Variants in UBE2K observed in about 807,000 individuals in gnomAD.
The protein encoded by UBE2K is ubiquitin-conjugating enzyme E2 K.
A neutral mutation model predicts 30.0 loss-of-function variants in UBE2K; 6 were observed. The ratio of observed to expected loss-of-function variants is 0.20; its 90% CI spans 0.11 to 0.39. The LOEUF (loss-of-function observed/expected upper bound fraction) is 0.39, where lower values mean the gene tolerates loss of function less well. Ranked by LOEUF, UBE2K falls within the 10% of genes least tolerant of loss-of-function variation. The pLI, the probability that UBE2K is intolerant of heterozygous loss-of-function variation, is 1.00. For synonymous variants in UBE2K, 86 were observed against 83.7 expected (o/e 1.03, Z -0.15); for missense variants, 61 against 241.6 (o/e 0.25, Z 4.96).
intron 1 of UBE2K, among the ~76,000 whole-genome samples, chr4:39,705,307 C>T (rs919244777): frequency 1.3e-5 from 2 of 150,224 alleles, no homozygotes; most frequent in Non-Finnish European, 3.0e-5. Context: ...AAGCGACTCT[C>T]GTGCCTCAGC....
At chr4:39,731,408 G>C (rs139787577) in intron 1 of UBE2K, among the ~76,000 whole-genome samples, 1 of 151,920 alleles carries the variant, frequency 6.6e-6, no homozygotes, top group South Asian at 2.1e-4. Flanking sequence ...CAGAAAACAC[G>C]GTGGCTCACA....
chr4:39,770,275 AGCACTTGCC>A (rs1712695044), intron 4 of UBE2K: 4 of 1,611,400 alleles, frequency 2.5e-6, no homozygotes, highest in Non-Finnish European at 3.4e-6. Flanking sequence ...TTCTGTGTGA[AGCACTTGCC>A]GCAGATGCCG....
chr4:39,769,897 C>T (rs1560378598), intron 4 of UBE2K, among the ~76,000 whole-genome samples: 1 of 152,170 alleles, frequency 6.6e-6, no homozygotes, highest in South Asian at 2.1e-4. Context: ...CTTGCACTCT[C>T]AAGAGCAACA....
At chr4:39,755,522 C>T in intron 3 of UBE2K, 135 bp from the exon 4 acceptor site, 1 of 628,506 alleles carries the variant, frequency 1.6e-6, no homozygotes, top group Admixed American at 3.4e-5. Flanking sequence ...TACACCCCTT[C>T]TTTCACCTAG....
At chr4:39,757,427 T>C (rs1185010963) in intron 4 of UBE2K, among the ~76,000 whole-genome samples, 1 of 151,844 alleles carries the variant, frequency 6.6e-6, no homozygotes, top group African/African-American at 2.4e-5. Context: ...GTGGTTTACT[T>C]AGTAACTGGA....
Position 39,774,712 on chromosome 4 carries a change from T to A in UBE2K, c.300-122T>A, listed in dbSNP as rs534383875. ...TATAAATGTCTATGACTTAACTATA[T>A]AATTAAGATAAAGATCTAAGTAACT... On this transcript the variant is annotated intron_variant, in intron 4 of 6. Coordinates refer to ENST00000261427, the MANE Select transcript of UBE2K (RefSeq NM_005339.5). 1.8e-5 allele frequency: 8 copies of A among 442,938 alleles called. No homozygotes were observed. In the South Asian group the frequency reaches 2.2e-4, roughly 12 times the overall value. The allele number at this position is 442,938 out of a possible 1,614,324, so 27.4% of individuals were successfully genotyped here. A position where few individuals can be genotyped will look rare whatever the true frequency, so the allele number is the denominator to read the frequency against.
chr4:39,718,852 G>A (rs188892229), intron 1 of UBE2K, among the ~76,000 whole-genome samples: 18 of 152,384 alleles, frequency 1.2e-4, no homozygotes, highest in East Asian at 3.9e-4. Flanking sequence ...TGCAAACGCC[G>A]TGCGCAGCCC....
chr4:39,775,379 G>A (rs908262689), intron 5 of UBE2K, among the ~76,000 whole-genome samples: 2 of 152,120 alleles, frequency 1.3e-5, no homozygotes, highest in African/African-American at 2.4e-5. Flanking sequence ...TTTTCATTTC[G>A]CTTTCTAGCT....
rs1713487586 is a variant in UBE2K, at chr4:39,779,516, G to A, written c.*1082G>A. 6.6e-6 allele frequency: 1 copy of A among 152,594 alleles called. No homozygotes were observed. The highest frequency in any genetic ancestry group is 1.5e-5 in the Non-Finnish European group (1 of 68,042). 9.5% of individuals were successfully genotyped at this position (152,594 alleles called of 1,614,324 possible). On this transcript the variant is annotated 3_prime_UTR_variant, in exon 7 of 7. Coordinates refer to ENST00000261427, the MANE Select transcript of UBE2K (RefSeq NM_005339.5). ...GTGTTTTATTGTACATACTTCAGATGCACATAGGAATAGAAGTGTGTTATA... is the reference window on the plus strand; with the variant it reads ...GTGTTTTATTGTACATACTTCAGATACACATAGGAATAGAAGTGTGTTATA...
intron 1 of UBE2K, among the ~76,000 whole-genome samples, chr4:39,717,876 C>T (rs1291629286): frequency 1.4e-5 from 2 of 146,700 alleles, no homozygotes; most frequent in Non-Finnish European, 2.9e-5. Context: ...TGTTACAGCT[C>T]TTAAGGCGGC....
intron 4 of UBE2K, among the ~76,000 whole-genome samples, chr4:39,765,938 T>TACATACATAC (rs1258930076): frequency 1.5e-4 from 22 of 149,498 alleles, no homozygotes; most frequent in African/African-American, 4.7e-4. Flanking sequence ...CATACATACA[T>TACATACATAC]ACACACACAC....
intron 1 of UBE2K, among the ~76,000 whole-genome samples, chr4:39,711,146 T>C (rs1252522088): frequency 1.3e-5 from 2 of 150,838 alleles, no homozygotes; most frequent in Non-Finnish European, 3.0e-5. Context: ...AATGTATGTC[T>C]CTTGGAAACT....
intron 1 of UBE2K, among the ~76,000 whole-genome samples, chr4:39,726,361 A>G (rs556039966): frequency 6.6e-6 from 1 of 152,190 alleles, no homozygotes; most frequent in South Asian, 2.1e-4. Context: ...AAATAGCATA[A>G]TAGATATCAT....
At chr4:39,750,208 CAAAA>C (rs572271899) in intron 3 of UBE2K, among the ~76,000 whole-genome samples, 1 of 151,358 alleles carries the variant, frequency 6.6e-6, no homozygotes, top group Non-Finnish European at 1.5e-5. Context: ...AAAACAAAAA[CAAAA>C]AAAAGCAAGA....
intron 4 of UBE2K, among the ~76,000 whole-genome samples, chr4:39,772,800 T>C (rs1304031993): frequency 2.0e-5 from 3 of 151,778 alleles, no homozygotes; most frequent in Non-Finnish European, 4.4e-5. Flanking sequence ...CGATTCTCCT[T>C]CCTCAGCCAC....
chr4:39,698,433 C>T, intron 1 of UBE2K, 43 bp downstream of exon 1: 5 of 1,568,094 alleles, frequency 3.2e-6, no homozygotes, highest in Non-Finnish European at 4.3e-6. Context: ...CTGCCTGGGG[C>T]GGGAGGGTCC....
chr4:39,754,894 G>A (rs1302265321), intron 3 of UBE2K, among the ~76,000 whole-genome samples: 2 of 152,198 alleles, frequency 1.3e-5, no homozygotes, highest in Non-Finnish European at 2.9e-5. Flanking sequence ...ATATGTGTCA[G>A]AGATAGGAAT....
At chr4:39,702,396 AG>A (rs1718084413) in intron 1 of UBE2K, among the ~76,000 whole-genome samples, 1 of 151,422 alleles carries the variant, frequency 6.6e-6, no homozygotes, top group South Asian at 2.1e-4. Flanking sequence ...CTGGGATTAT[AG>A]GCATGCACCA....
intron 1 of UBE2K, among the ~76,000 whole-genome samples, chr4:39,713,483 T>C (rs1304344492): frequency 1.3e-5 from 2 of 152,006 alleles, no homozygotes; most frequent in Admixed American, 1.3e-4. Context: ...CTTTATGTTA[T>C]TTATATGATA....
Sources: allele counts gnomAD v4.1 joint callset (sites outside exome capture counted in the v4.1 genomes callset), GRCh38; gene constraint gnomAD v4.1.1; transcripts MANE v1.5; gene names NCBI Gene and HGNC (gene_info 2026-07-23, HGNC 2026-07-21).